Variants in MGLL observed in about 807,000 individuals in gnomAD.
MGLL encodes the protein monoglyceride lipase, also known as lysophospholipase homolog.
In MGLL, 7 loss-of-function variants were observed where a neutral mutation model predicts 29.1. The observed-to-expected ratio is 0.24, with a 90% CI of 0.14 to 0.45. The LOEUF (loss-of-function observed/expected upper bound fraction) is 0.45, where lower values mean the gene tolerates loss of function less well. Ranked by LOEUF, MGLL falls within the 20% of genes least tolerant of loss-of-function variation. The pLI, the probability that MGLL is intolerant of heterozygous loss-of-function variation, is 0.99. For synonymous variants in MGLL, 148 were observed against 168.3 expected, an observed-to-expected ratio of 0.88 and a Z score of 0.93; for missense variants, 356 against 413.6, an observed-to-expected ratio of 0.86 and a Z score of 1.21.
chr3:127,796,850 T>G (rs1031877716), intron 2 of MGLL, among the ~76,000 whole-genome samples: 7 of 152,178 alleles, frequency 4.6e-5, no homozygotes, highest in Non-Finnish European at 8.8e-5. Context: ...CGAAAGCAAA[T>G]CCAGCATCCA....
chr3:127,700,021 C>T (rs1240046625), intron 6 of MGLL, among the ~76,000 whole-genome samples: 3 of 152,196 alleles, frequency 2.0e-5, no homozygotes, highest in Non-Finnish European at 2.9e-5. Context: ...CCTTTTCCTA[C>T]GGAAGCGTCA....
intron 6 of MGLL, among the ~76,000 whole-genome samples, chr3:127,699,064 G>T (rs2070016534): frequency 6.6e-6 from 1 of 152,258 alleles, no homozygotes; most frequent in African/African-American, 2.4e-5. Context: ...CCGGGGTGGG[G>T]GTTGGGAGTA....
chr3:127,818,807 A>G (rs567379841), intron 2 of MGLL, among the ~76,000 whole-genome samples: 70 of 152,330 alleles, frequency 4.6e-4, no homozygotes, highest in African/African-American at 1.6e-3. Context: ...AGTAAGAATA[A>G]TAATACTTGT....
At chr3:127,806,486 T>C (rs2077568286) in intron 2 of MGLL, among the ~76,000 whole-genome samples, 1 of 151,590 alleles carries the variant, frequency 6.6e-6, no homozygotes, top group Non-Finnish European at 1.5e-5. Flanking sequence ...GGTGGATGTA[T>C]GGGGTGGGTG....
chr3:127,700,831 G>A (rs1042125362), intron 6 of MGLL, among the ~76,000 whole-genome samples: 5 of 152,206 alleles, frequency 3.3e-5, no homozygotes, highest in Non-Finnish European at 5.9e-5. Flanking sequence ...GGAAAGCCCC[G>A]ATAGCTTGCT....
chr3:127,785,814 C>T (rs948540394), intron 2 of MGLL, among the ~76,000 whole-genome samples: 3 of 152,242 alleles, frequency 2.0e-5, no homozygotes, highest in Non-Finnish European at 4.4e-5. Flanking sequence ...CAGCTTGCAG[C>T]CACTCAGCAG....
At chr3:127,722,789 C>A (rs548572291) in intron 3 of MGLL, among the ~76,000 whole-genome samples, 4 of 152,194 alleles carry the variant, frequency 2.6e-5, no homozygotes, top group Non-Finnish European at 5.9e-5. Context: ...CAAGATCACA[C>A]CACTAGGAAG....
chr3:127,822,429 G>A lies in MGLL; in HGVS notation c.-111C>T, dbSNP rs1489806741. On this transcript the variant is annotated 5_prime_UTR_variant, in exon 1 of 8. Transcript: ENST00000265052. ...CCCAAGGCAGCAGGAAGGCAGCTCC[G>A]AGCCCTCTTCCCGCACCCAGACCCT... 52 of 1,167,266 alleles carry A rather than the reference G, an allele frequency of 4.5e-5. No individual in the cohort carries two copies. Among genetic ancestry groups the A allele is most frequent in the Non-Finnish European group, 6.4e-5 (50 of 783,784 alleles). The allele number at this position is 1,167,266 out of a possible 1,614,324, so 72.3% of individuals were successfully genotyped here.
chr3:127,733,231 C>T (rs2076181658), intron 3 of MGLL, among the ~76,000 whole-genome samples: 1 of 152,176 alleles, frequency 6.6e-6, no homozygotes, highest in African/African-American at 2.4e-5. Context: ...TGACAGTTTA[C>T]AGATGCCATG....
intron 3 of MGLL, among the ~76,000 whole-genome samples, chr3:127,753,026 C>T (rs544208944): frequency 6.6e-6 from 1 of 152,128 alleles, no homozygotes; most frequent in Non-Finnish European, 1.5e-5. Context: ...AGATTTTCTA[C>T]TGTTGTATTA....
At chr3:127,795,243 G>C (rs534009319) in intron 2 of MGLL, among the ~76,000 whole-genome samples, 2 of 152,328 alleles carry the variant, frequency 1.3e-5, no homozygotes, top group Middle Eastern at 3.4e-3. Flanking sequence ...GATGCAGCTG[G>C]AGATTACTAA....
intron 2 of MGLL, among the ~76,000 whole-genome samples, chr3:127,814,352 A>C (rs1335416276): frequency 6.6e-6 from 1 of 152,150 alleles, no homozygotes; most frequent in Non-Finnish European, 1.5e-5. Context: ...CCCCTAATGA[A>C]CAAGGCTGTG....
At chr3:127,706,034 G>C (rs543778250) in intron 6 of MGLL, among the ~76,000 whole-genome samples, 5 of 152,146 alleles carry the variant, frequency 3.3e-5, no homozygotes, top group Admixed American at 6.5e-5. Flanking sequence ...GAAAATGGCA[G>C]CATGGTTCCT....
In MGLL at chr3:127,783,597, C is replaced by A. The variant is rs549434880; in HGVS notation, c.156-1702G>T. Among the ~76,000 whole-genome samples, 8 of 152,350 alleles carry A rather than the reference C, an allele frequency of 5.3e-5. No homozygotes were observed. The East Asian group carries it at 1.5e-3, about 29-fold the overall frequency. ...CAGGCTGTGTAAGGCCAGAATGGCA[C>A]CAGTTTGTTTTATGGTGCTTTCATT... On this transcript the variant is annotated intron_variant, in intron 2 of 7. Transcript: ENST00000265052.
At chr3:127,799,962 T>G (rs2077448025) in intron 2 of MGLL, among the ~76,000 whole-genome samples, 1 of 152,350 alleles carries the variant, frequency 6.6e-6, no homozygotes, top group South Asian at 2.1e-4. Flanking sequence ...GCTGCCCAGA[T>G]AGAGACCATA....
chr3:127,721,217 T>G (rs770092594), intron 4 of MGLL, 54 bp from the exon 5 acceptor site: 2 of 1,486,854 alleles, frequency 1.3e-6, no homozygotes, highest in Non-Finnish European at 1.9e-6. Flanking sequence ...AGTGCACACA[T>G]TTCTAATAAA....
intron 6 of MGLL, among the ~76,000 whole-genome samples, chr3:127,695,676 G>A (rs147519993): frequency 3.3e-5 from 5 of 152,078 alleles, no homozygotes; most frequent in East Asian, 1.9e-4. Context: ...CCTGGGAGGC[G>A]GACTTTGCAG....
chr3:127,819,200 T>C (rs910098403), intron 2 of MGLL, among the ~76,000 whole-genome samples: 10 of 152,186 alleles, frequency 6.6e-5, no homozygotes, highest in African/African-American at 2.4e-4. Context: ...TGGCTTAGTG[T>C]TGCTCCGAGC....
At chr3:127,785,320 G>A (rs1424821111) in intron 2 of MGLL, among the ~76,000 whole-genome samples, 1 of 152,204 alleles carries the variant, frequency 6.6e-6, no homozygotes, top group East Asian at 1.9e-4. Flanking sequence ...AATACAGCTG[G>A]CCATGTCCCA....
Sources: gnomAD v4.1 joint callset for allele counts (sites outside exome capture counted in the v4.1 genomes callset) on GRCh38, gnomAD v4.1.1 for gene constraint, MANE v1.5 for transcripts, NCBI Gene and HGNC (gene_info 2026-07-23, HGNC 2026-07-21) for gene names.